Variants in SULF2 observed in about 807,000 individuals in gnomAD.
SULF2 encodes extracellular sulfatase Sulf-2.
Under a neutral mutation model 107.7 loss-of-function variants are expected in SULF2, and 52 were observed. The ratio of observed to expected loss-of-function variants is 0.48; its 90% CI spans 0.39 to 0.61. The LOEUF is 0.61. SULF2 is among the 20% of genes least tolerant of loss of function. The pLI is 0.00. For missense variants in SULF2, 993 were observed against 1,177.3 expected (o/e 0.84, Z 2.29); for synonymous variants, 460 against 464.3 (o/e 0.99, Z 0.12).
chr20:47,755,106 C>T (rs1416465095), intron 2 of SULF2, among the ~76,000 whole-genome samples: 2 of 152,226 alleles, frequency 1.3e-5, no homozygotes, highest in African/African-American at 4.8e-5. Flanking sequence ...GCTGGGATTA[C>T]AGGCGTGAGC....
intron 3 of SULF2, among the ~76,000 whole-genome samples, chr20:47,723,015 C>T (rs1014799333): frequency 3.9e-5 from 6 of 152,036 alleles, no homozygotes; most frequent in African/African-American, 1.4e-4. Context: ...TGCAGTGAAC[C>T]AAGATCGTGG....
chr20:47,658,390 C>T lies in SULF2; in HGVS notation c.2585G>A (p.Gly862Glu). The change falls in exon 21 of 21, where the codon GGA (glycine) becomes GAA (glutamate). Residue 862 changes from glycine (G) to glutamate (E), a missense_variant and splice_region_variant. This residue lies in a region of SULF2 where 497 missense variants were observed against 544.1 expected (regional missense o/e 0.91). Transcript: ENST00000688720. Reference sequence around the variant, plus strand: ...ACCTTCCCAGCCTTCCCACAGTTGTCCCCTAAAGAACAAAACAAACTCATC... The same window carrying T: ...ACCTTCCCAGCCTTCCCACAGTTGTTCCCTAAAGAACAAAACAAACTCATC... ...EMKRPSSKSL[G>E]QLWEGWEG 2 of 1,614,154 alleles carry T rather than the reference C, an allele frequency of 1.2e-6. No individual in the cohort carries two copies. The highest frequency in any genetic ancestry group is 1.7e-6 in the Non-Finnish European group (2 of 1,180,010).
At chr20:47,769,224 T>A (rs961065924) in intron 1 of SULF2, among the ~76,000 whole-genome samples, 1 of 152,154 alleles carries the variant, frequency 6.6e-6, no homozygotes, top group Non-Finnish European at 1.5e-5. Context: ...GTATTTTTAG[T>A]AGAGACGGGC....
chr20:47,745,382 G>A (rs1272719182), intron 2 of SULF2, among the ~76,000 whole-genome samples: 2 of 52,046 alleles, frequency 3.8e-5, no homozygotes, highest in Admixed American at 2.8e-4. Flanking sequence ...AGTTTTGAGG[G>A]AAAAAAAAAA....
At chr20:47,705,236 C>A (rs1602690925) in intron 3 of SULF2, among the ~76,000 whole-genome samples, 2 of 152,056 alleles carry the variant, frequency 1.3e-5, no homozygotes, top group South Asian at 4.1e-4. Flanking sequence ...AGGGAGGATC[C>A]CCCAGCAGCC....
intron 3 of SULF2, among the ~76,000 whole-genome samples, chr20:47,717,087 T>C (rs961126751): frequency 4.6e-5 from 7 of 152,206 alleles, no homozygotes; most frequent in African/African-American, 1.7e-4. Context: ...AGATATGCTA[T>C]GTACCTGCTA....
intron 14 of SULF2, 147 bp from the exon 15 acceptor site, chr20:47,664,336 C>T: frequency 1.3e-6 from 1 of 748,868 alleles, no homozygotes; most frequent in Admixed American, 2.5e-5. Context: ...TAGGGCATGA[C>T]CCTATCCTCA....
chr20:47,749,370 T>C (rs1275259716), intron 2 of SULF2, among the ~76,000 whole-genome samples: 2 of 152,246 alleles, frequency 1.3e-5, no homozygotes, highest in Admixed American at 1.3e-4. Flanking sequence ...AAAAAAATCA[T>C]CTTACAGGAA....
At chr20:47,714,132 C>T (rs1039144781) in intron 3 of SULF2, among the ~76,000 whole-genome samples, 4 of 152,214 alleles carry the variant, frequency 2.6e-5, no homozygotes, top group Non-Finnish European at 4.4e-5. Context: ...AAAACAGACC[C>T]GCGCCATTTC....
In SULF2 at chr20:47,663,601, G is replaced by T; in HGVS notation, c.2079C>A (p.Asp693Glu). 6.3e-7 allele frequency: 1 copy of T among 1,599,676 alleles called. No individual in the cohort carries two copies. Among genetic ancestry groups the T allele is most frequent in the Non-Finnish European group, 8.5e-7 (1 of 1,172,438 alleles). ...TCTGCTCCCGCAACAGCCACACCTT[G>T]TCCTTCTCTTGCAGGCCCTTCCTAT... ...HPFRKGLQEK[D>E]KVWLLREQKR... Residue 693 changes from aspartate to glutamate, a missense_variant, in exon 16 of 21, where the codon GAC becomes GAA. Coordinates refer to ENST00000688720, the MANE Select transcript of SULF2 (RefSeq NM_001387048.1).
chr20:47,676,162 G>A (rs1159936840), intron 10 of SULF2, among the ~76,000 whole-genome samples: 1 of 152,240 alleles, frequency 6.6e-6, no homozygotes. Context: ...TACTGTCAAA[G>A]TGAATATGGT....
chr20:47,662,832 G>A (rs1479862437), intron 17 of SULF2, among the ~76,000 whole-genome samples: 1 of 152,092 alleles, frequency 6.6e-6, no homozygotes, highest in Admixed American at 6.5e-5. Context: ...TTAGAGGGAA[G>A]AAGCCATATA....
intron 17 of SULF2, among the ~76,000 whole-genome samples, chr20:47,662,469 T>C (rs2087109139): frequency 1.3e-5 from 2 of 152,232 alleles, no homozygotes; most frequent in African/African-American, 4.8e-5. Flanking sequence ...TTTCAGGCTT[T>C]TCTTGAAAGG....
rs1343777594 is a variant in SULF2 at position 47,665,137 on chromosome 20, A to ATGAAC, written c.1997+57_1997+61dup. On this transcript the variant is annotated intron_variant, in intron 14 of 20. Transcript: ENST00000688720. ...TGAAAGGGGTCAATCACGAGAGGGG[A>ATGAAC]TGAACTGAACTGTCCTGTAGGAGAG... is the stretch of plus-strand genomic sequence containing the variant. 4 of 1,034,580 alleles carry ATGAAC rather than the reference A, an allele frequency of 3.9e-6. No homozygotes were observed. The African/African-American group carries it at 6.3e-5, about 16-fold the overall frequency. The allele number at this position is 1,034,580 out of a possible 1,614,324, so 64.1% of individuals were successfully genotyped here. A position where few individuals can be genotyped will look rare whatever the true frequency, so the allele number is the denominator to read the frequency against.
In SULF2 at chr20:47,676,526, C is replaced by T; in HGVS notation, c.1348G>A (p.Glu450Lys). The stretch of plus-strand genomic sequence containing the variant: ...AGCTGCTCACACGCCGTCTGGTACT[C>T]AGCACGCTGACACAGGTCCTTCACA... ...QRVKDLCQRA[E>K]YQTACEQLGQ... The change falls in exon 10 of 21, where the codon GAG becomes AAG. Residue 450 changes from glutamate (E) to lysine (K), a missense_variant. This residue lies in a region of SULF2 where 108 missense variants were observed against 183.9 expected (regional missense o/e 0.59). Coordinates refer to ENST00000688720, the MANE Select transcript of SULF2 (RefSeq NM_001387048.1). The T allele has an allele frequency of 6.2e-7, 1 of 1,603,198 alleles. No homozygotes were observed. The highest frequency in any genetic ancestry group is 8.5e-7 in the Non-Finnish European group (1 of 1,175,746).
chr20:47,702,621 G>A lies in SULF2; in HGVS notation c.465C>T (p.Pro155=), dbSNP rs766944944. The A allele has an allele frequency of 3.2e-5, 51 of 1,613,784 alleles. No individual in the cohort carries two copies. Among genetic ancestry groups the A allele is most frequent in the Non-Finnish European group, 3.8e-5 (45 of 1,180,020 alleles). ...GGAGTCCGACCCACTCCTTCCAGCC[G>A]GGTGGCACGTAGGAGCCGTTGTATT... The part of the protein sequence containing the change: ...LNEYNGSYVP[P]GWKEWVGLLK... The change falls in exon 4 of 21, where the codon CCC becomes CCT. Residue 155 remains proline (P), a synonymous_variant. Coordinates refer to ENST00000688720, the MANE Select transcript of SULF2 (RefSeq NM_001387048.1).
At chr20:47,752,854 C>T (rs1011880538) in intron 2 of SULF2, among the ~76,000 whole-genome samples, 1 of 152,116 alleles carries the variant, frequency 6.6e-6, no homozygotes, top group Non-Finnish European at 1.5e-5. Flanking sequence ...GCGATCCCAG[C>T]ATTTTGGGAG....
At position 47,749,246 on chromosome 20, in the gene SULF2, T is replaced by C. The variant is rs1443925775; in HGVS notation, c.175+7943A>G. 3.3e-5 allele frequency among the ~76,000 whole-genome samples: 5 copies of C among 152,210 alleles called. No individual in the cohort carries two copies. In the East Asian group the frequency reaches 9.6e-4, roughly 29 times the overall value. On this transcript the variant is annotated intron_variant, in intron 2 of 20. Transcript: ENST00000688720. ...GCCTACCTCCAGACATTTGTATAAT[T>C]CTGTCTTGTTTAAGCCACTGTTATT...
intron 2 of SULF2, among the ~76,000 whole-genome samples, chr20:47,755,484 T>G (rs1031165067): frequency 6.6e-6 from 1 of 152,194 alleles, no homozygotes; most frequent in East Asian, 1.9e-4. Flanking sequence ...ATTCAGCCAC[T>G]CACCTGTTGA....
Sources: gnomAD v4.1 joint callset for allele counts (sites outside exome capture counted in the v4.1 genomes callset) on GRCh38, gnomAD v4.1.1 for gene constraint, gnomAD v4.1.1 regional missense constraint, MANE v1.5 for transcripts, NCBI Gene and HGNC (gene_info 2026-07-23, HGNC 2026-07-21) for gene names.